The following GNA12 variants were observed in gnomAD, a reference collection of about 807,000 sequenced individuals.
The protein encoded by GNA12 is guanine nucleotide-binding protein subunit alpha-12.
In GNA12, 9 loss-of-function variants were observed where a neutral mutation model predicts 26.0. That is an observed-to-expected ratio of 0.35 (90% CI 0.21 to 0.60). GNA12 has a LOEUF of 0.60. GNA12 is among the 20% of genes least tolerant of loss of function. GNA12 has a pLI of 0.78. For synonymous variants in GNA12, 264 were observed against 219.6 expected (o/e 1.20, Z -1.79); for missense variants, 405 against 525.8 (o/e 0.77, Z 2.25).
chr7:2,797,305 C>T (rs752643574), intron 1 of GNA12, among the ~76,000 whole-genome samples: 4 of 152,072 alleles, frequency 2.6e-5, no homozygotes, highest in Non-Finnish European at 4.4e-5. Context: ...TCGTTACGCC[C>T]GGCTAATTTT....
intron 2 of GNA12, chr7:2,764,890 C>T (rs1432428499): frequency 3.3e-5 from 5 of 152,178 alleles, no homozygotes; most frequent in Non-Finnish European, 5.9e-5. Context: ...CTTAAGCACG[C>T]GTTAGTTATC....
At chr7:2,774,924 C>T (rs1416915620) in intron 2 of GNA12, among the ~76,000 whole-genome samples, 1 of 152,162 alleles carries the variant, frequency 6.6e-6, no homozygotes, top group African/African-American at 2.4e-5. Context: ...ATATGAGAGT[C>T]AATATTAATA....
chr7:2,818,835 G>A (rs182135379), intron 1 of GNA12, among the ~76,000 whole-genome samples: 2,727 of 147,628 alleles, frequency 0.018, 80 homozygotes, highest in African/African-American at 0.063. Context: ...CACAGGTTTC[G>A]CTTGCCGTTT....
At chr7:2,772,543 G>A (rs1213644020) in intron 2 of GNA12, among the ~76,000 whole-genome samples, 1 of 150,690 alleles carries the variant, frequency 6.6e-6, no homozygotes, top group Non-Finnish European at 1.5e-5. Context: ...CTGGGCAACA[G>A]AGTGAGACTC....
intron 1 of GNA12, among the ~76,000 whole-genome samples, chr7:2,804,307 A>T (rs995910462): frequency 2.6e-5 from 4 of 152,242 alleles, no homozygotes; most frequent in Non-Finnish European, 4.4e-5. Context: ...ACTGCAAATA[A>T]TAAAGGTAAG....
At chr7:2,776,572 C>G (rs985145390) in intron 2 of GNA12, among the ~76,000 whole-genome samples, 17 of 152,308 alleles carry the variant, frequency 1.1e-4, no homozygotes, top group African/African-American at 4.1e-4. Flanking sequence ...TTTTGTGGAT[C>G]AGGGAAAGAG....
At chr7:2,781,958 T>A (rs929666283) in intron 2 of GNA12, among the ~76,000 whole-genome samples, 1 of 152,206 alleles carries the variant, frequency 6.6e-6, no homozygotes, top group African/African-American at 2.4e-5. Flanking sequence ...GGCATAAGCA[T>A]AGATGTATAG....
At chr7:2,837,783 G>C (rs1352220433) in intron 1 of GNA12, among the ~76,000 whole-genome samples, 1 of 151,812 alleles carries the variant, frequency 6.6e-6, no homozygotes, top group Non-Finnish European at 1.5e-5. Flanking sequence ...AAACAGAAAG[G>C]AAATGACAAC....
chr7:2,834,811 C>T (rs914631185), intron 1 of GNA12, among the ~76,000 whole-genome samples: 1 of 152,158 alleles, frequency 6.6e-6, no homozygotes, highest in African/African-American at 2.4e-5. Context: ...TACAGGTTTG[C>T]AGTCTGGGAG....
At chr7:2,815,018 A>G (rs1411423916) in intron 1 of GNA12, 1 of 1,521,576 alleles carries the variant, frequency 6.6e-7, no homozygotes, top group Non-Finnish European at 8.8e-7. Flanking sequence ...CGCCCCTTCC[A>G]CCCAATCCAG....
At chr7:2,733,315 A>G in intron 3 of GNA12, 136 bp downstream of exon 3, 1 of 723,400 alleles carries the variant, frequency 1.4e-6, no homozygotes, top group Non-Finnish European at 2.5e-6. Flanking sequence ...CCATTACAGT[A>G]CTATTCGTGG....
rs113332605 is a variant in GNA12 at position 2,813,457 on chromosome 7, T to C, written c.310-18314A>G. On this transcript the variant is annotated intron_variant, in intron 1 of 3. Coordinates refer to ENST00000275364, the MANE Select transcript of GNA12 (RefSeq NM_007353.3). ...AACAGAAGTTCCCAGTCAGTGTAGCTTGCGTAAGGGGACATCACTGAGTGA... is the reference window on the plus strand; with the variant it reads ...AACAGAAGTTCCCAGTCAGTGTAGCCTGCGTAAGGGGACATCACTGAGTGA... Among the ~76,000 whole-genome samples the C allele has an allele frequency of 7.5e-3, 1,144 of 152,316 alleles. 15 individuals carry two copies. Among genetic ancestry groups the C allele is most frequent in the African/African-American group, 0.026 (1,083 of 41,580 alleles).
intron 1 of GNA12, among the ~76,000 whole-genome samples, chr7:2,809,078 C>T (rs1793016570): frequency 6.6e-6 from 1 of 152,226 alleles, no homozygotes; most frequent in Non-Finnish European, 1.5e-5. Context: ...GCCCATCCTT[C>T]CCACGCTCCA....
rs1488245382 is a variant in GNA12 at position 2,780,350 on chromosome 7, T to C, written c.525+14578A>G. 2.6e-5 allele frequency among the ~76,000 whole-genome samples: 4 copies of C among 152,096 alleles called. No individual in the cohort carries two copies. In the East Asian group the frequency reaches 5.8e-4, roughly 22 times the overall value. On this transcript the variant is annotated intron_variant, in intron 2 of 3. Coordinates refer to ENST00000275364, the MANE Select transcript of GNA12 (RefSeq NM_007353.3). The stretch of plus-strand genomic sequence containing the variant: ...CATCCTTGCAAATAATCTTTGCATA[T>C]TGATCTGATTTTCCTTTTTAAAATT...
At chr7:2,777,342 C>T (rs1792102671) in intron 2 of GNA12, among the ~76,000 whole-genome samples, 1 of 152,210 alleles carries the variant, frequency 6.6e-6, no homozygotes, top group Non-Finnish European at 1.5e-5. Context: ...ATGATATTGT[C>T]TCTTAGTTCA....
At chr7:2,840,766 C>T (rs954123154) in intron 1 of GNA12, among the ~76,000 whole-genome samples, 23 of 152,128 alleles carry the variant, frequency 1.5e-4, no homozygotes, top group Non-Finnish European at 2.8e-4. Context: ...GGGAGGATTG[C>T]TTGAGCCCAC....
chr7:2,767,223 C>T (rs1791830467), intron 2 of GNA12, among the ~76,000 whole-genome samples: 1 of 152,190 alleles, frequency 6.6e-6, no homozygotes, highest in African/African-American at 2.4e-5. Flanking sequence ...CCTGTACCCA[C>T]AAAAATGTTT....
intron 1 of GNA12, among the ~76,000 whole-genome samples, chr7:2,813,691 C>A (rs1012217871): frequency 6.6e-6 from 1 of 152,196 alleles, no homozygotes; most frequent in African/African-American, 2.4e-5. Context: ...GCTGGAGGAG[C>A]AGGAAACAGC....
At chr7:2,838,280 T>TAA (rs36115085) in intron 1 of GNA12, among the ~76,000 whole-genome samples, 33,942 of 143,430 alleles carry the variant, frequency 0.24, 4,234 homozygotes, top group Non-Finnish European at 0.27. Context: ...GCATTATACT[T>TAA]AAAAAAAAAA....
Sources: gnomAD v4.1 joint callset for allele counts (sites outside exome capture counted in the v4.1 genomes callset) on GRCh38, gnomAD v4.1.1 for gene constraint, MANE v1.5 for transcripts, NCBI Gene and HGNC (gene_info 2026-07-23, HGNC 2026-07-21) for gene names.